The following CTSD variants were observed in gnomAD, a reference collection of about 807,000 sequenced individuals.
CTSD encodes ceroid-lipofuscinosis, neuronal 10.
CTSD carries 28 observed loss-of-function variants against 43.6 expected under a neutral mutation model. The observed-to-expected ratio is 0.64, with a 90% CI of 0.48 to 0.88. The LOEUF is 0.88. CTSD is among the 40% of genes least tolerant of loss of function. The probability of loss-of-function intolerance (pLI) is 0.00; values close to 1 mark genes in which losing one functional copy is unlikely to be tolerated. For missense variants in CTSD, 485 were observed against 555.2 expected (o/e 0.87, Z 1.27); for synonymous variants, 270 against 249.8 (o/e 1.08, Z -0.76).
intron 6 of CTSD, among the ~76,000 whole-genome samples, chr11:1,754,516 AGGGATGGAG>A (rs1383187581): frequency 0.01 from 335 of 32,626 alleles, 5 homozygotes; most frequent in Middle Eastern, 0.093. Context: ...GGAGGGATGG[AGGGATGGAG>A]GGGATGGAGG....
rs147741124 is a variant in CTSD, at chr11:1,760,887, C to A, written c.228+422G>T. On this transcript the variant is annotated intron_variant, in intron 2 of 8. Transcript: ENST00000236671. The stretch of plus-strand genomic sequence containing the variant: ...GCTCCACCTTGGATCCTGCTTCCCC[C>A]TGAAGGAGTAGTGGGCACAGGAGGG... 22 of 276,064 alleles carry A rather than the reference C, an allele frequency of 8.0e-5. 1 individual carries two copies. Among genetic ancestry groups the A allele is most frequent in the African/African-American group, 3.9e-4 (18 of 45,658 alleles). The allele number at this position is 276,064 out of a possible 1,614,324, so 17.1% of individuals were successfully genotyped here. A position where few individuals can be genotyped will look rare whatever the true frequency, so the allele number is the denominator to read the frequency against.
intron 2 of CTSD, chr11:1,760,245 G>C (rs1036574309): frequency 1.3e-5 from 2 of 152,900 alleles, no homozygotes; most frequent in African/African-American, 4.8e-5. Context: ...CAGGGCCTCA[G>C]TTTCCCCGTG....
Position 1,753,250 on chromosome 11 carries a change from G to C in CTSD, c.*253C>G, listed in dbSNP as rs56273622. 1.8e-6 allele frequency: 1 copy of C among 569,948 alleles called. No homozygotes were observed. The highest frequency in any genetic ancestry group is 1.9e-5 in the African/African-American group (1 of 53,410). 35.3% of individuals were successfully genotyped at this position (569,948 alleles called of 1,614,324 possible). ...GTGGGGTCTTCCAATGCACGAAACA[G>C]ATCTGTGCTCTGGATCAGCTCTACC... is the stretch of plus-strand genomic sequence containing the variant. On this transcript the variant is annotated 3_prime_UTR_variant, in exon 9 of 9. Coordinates refer to ENST00000236671, the MANE Select transcript of CTSD (RefSeq NM_001909.5).
Position 1,753,360 on chromosome 11 carries a change from G to T in CTSD, c.*143C>A. 4.2e-6 allele frequency: 4 copies of T among 945,286 alleles called. No individual in the cohort carries two copies. The highest frequency in any genetic ancestry group is 2.5e-5 in the East Asian group (1 of 40,680). The allele number at this position is 945,286 out of a possible 1,614,324, so 58.6% of individuals were successfully genotyped here. A position where few individuals can be genotyped will look rare whatever the true frequency, so the allele number is the denominator to read the frequency against. On this transcript the variant is annotated 3_prime_UTR_variant, in exon 9 of 9. Transcript: ENST00000236671. Reference sequence around the variant, plus strand: ...AAACCACAGAACAAAACAGCAAGTCGGGCTTGGGCCGCCGGCTTCCAGGGC... The same window carrying T: ...AAACCACAGAACAAAACAGCAAGTCTGGCTTGGGCCGCCGGCTTCCAGGGC...
chr11:1,759,428 G>GCGTT (rs1845847770), intron 3 of CTSD, 88 bp downstream of exon 3: 1 of 1,577,044 alleles, frequency 6.3e-7, no homozygotes, highest in African/African-American at 1.3e-5. Context: ...CAGGAGAATT[G>GCGTT]CGTTGCCCAA....
Position 1,763,717 on chromosome 11 carries a change from A to C in CTSD, c.68+75T>G, listed in dbSNP as rs1471143914. On this transcript the variant is annotated intron_variant, in intron 1 of 8. Transcript: ENST00000236671. ...CTCGTGGGGGCCACAGGGGAGCGCG[A>C]AAGTCACCACAGGCCCCGGGACCTC... 27 of 1,372,876 alleles carry C rather than the reference A, an allele frequency of 2.0e-5. 1 individual carries two copies. The Admixed American group carries it at 5.4e-4, about 27-fold the overall frequency. The allele number at this position is 1,372,876 out of a possible 1,614,324, so 85.0% of individuals were successfully genotyped here. A position where few individuals can be genotyped will look rare whatever the true frequency, so the allele number is the denominator to read the frequency against.
intron 2 of CTSD, 59 bp from the exon 3 acceptor site, chr11:1,759,698 C>T: frequency 5.8e-6 from 9 of 1,561,636 alleles, no homozygotes; most frequent in Non-Finnish European, 7.0e-6. Context: ...CCCACTGGGC[C>T]TCAGAAGGCC....
In CTSD at chr11:1,754,075, G is replaced by A. The variant is rs755183661; in HGVS notation, c.891C>T (p.Gly297=). 7 of 1,611,530 alleles carry A rather than the reference G, an allele frequency of 4.3e-6. No individual in the cohort carries two copies. Among genetic ancestry groups the A allele is most frequent in the Admixed American group, 1.7e-5 (1 of 59,952 alleles). The change falls in exon 7 of 9, where the codon GGC becomes GGT. Residue 297 remains glycine (G), a synonymous_variant. Coordinates refer to ENST00000236671, the MANE Select transcript of CTSD (RefSeq NM_001909.5). ...KEGCEAIVDT[G]TSLMVGPVDE... ...CCACCGGGCCCACCATGAGGGAAGT[G>A]CCTGTGTCCACAATGGCCTCACAGC...
At position 1,761,531 on chromosome 11, in the gene CTSD, T is replaced by C. The variant is rs72850961; in HGVS notation, c.69-63A>G. 0.083 allele frequency: 130,221 copies of C among 1,573,320 alleles called. 5,726 individuals carry two copies. Among genetic ancestry groups the C allele is most frequent in the Middle Eastern group, 0.14 (812 of 5,908 alleles). ...CCCGCCTGCCGGCCGACGCTGCCAA[T>C]GCTGCACATCCACCTGGAGGCCCCT... On this transcript the variant is annotated intron_variant, in intron 1 of 8. Coordinates refer to ENST00000236671, the MANE Select transcript of CTSD (RefSeq NM_001909.5).
At chr11:1,763,364 G>C (rs553550350) in intron 1 of CTSD, among the ~76,000 whole-genome samples, 319 of 152,350 alleles carry the variant, frequency 2.1e-3, no homozygotes, top group African/African-American at 7.4e-3. Flanking sequence ...AGGTGGTAAA[G>C]GGGTCCCTAA....
At chr11:1,756,143 T>C (rs1277581108) in intron 5 of CTSD, among the ~76,000 whole-genome samples, 1 of 149,976 alleles carries the variant, frequency 6.7e-6, no homozygotes, top group Admixed American at 6.6e-5. Context: ...ACTCATGCTG[T>C]GTGCCCCTCC....
chr11:1,754,123 G>A lies in CTSD; in HGVS notation c.843C>T (p.Ser281=), dbSNP rs776321697. The change falls in exon 7 of 9, where the codon AGC becomes AGT. Residue 281 remains serine, a synonymous_variant. Coordinates refer to ENST00000236671, the MANE Select transcript of CTSD (RefSeq NM_001909.5). ...AGCCCTCCTTGCACAGGGTCAGCCCGCTGGCCACCTCCACCCTGCGGGGAG... is the reference window on the plus strand; with the variant it reads ...AGCCCTCCTTGCACAGGGTCAGCCCACTGGCCACCTCCACCCTGCGGGGAG... ...QVHLDQVEVA[S]GLTLCKEGCE... is the part of the protein sequence containing the mutation. The A allele has an allele frequency of 8.7e-6, 14 of 1,609,468 alleles. No homozygotes were observed. The highest frequency in any genetic ancestry group is 1.1e-5 in the Non-Finnish European group (13 of 1,179,648).
chr11:1,754,360 A>AGGGATGGAGGGGATGGAGGGATGGAG (rs1565019176), intron 6 of CTSD: 3 of 435,276 alleles, frequency 6.9e-6, no homozygotes, highest in Admixed American at 7.3e-5. Context: ...AGGGGCATGG[A>AGGGATGGAGGGGATGGAGGGATGGAG]GGGATGGAGG....
intron 5 of CTSD, 113 bp from the exon 6 acceptor site, chr11:1,755,141 C>G: frequency 1.5e-6 from 2 of 1,313,996 alleles, no homozygotes; most frequent in Non-Finnish European, 2.2e-6. Flanking sequence ...GAAGGAGGGG[C>G]CTTTCTGAAA....
rs1478615059 is a variant in CTSD, at chr11:1,757,333, TAGA to T, written c.692_694del (p.Phe231del). 5 of 1,613,308 alleles carry T rather than the reference TAGA, an allele frequency of 3.1e-6. No homozygotes were observed. Among genetic ancestry groups the T allele is most frequent in the African/African-American group, 2.7e-5 (2 of 74,920 alleles). Reference sequence around the variant, plus strand: ...GAACCCACACGCCCACCTGCTCAGGTAGAAGGAGAAGATGTTCTGGTCCACCAG... The same window carrying T: ...GAACCCACACGCCCACCTGCTCAGGTAGGAGAAGATGTTCTGGTCCACCAG... On this transcript the variant is annotated inframe_deletion, in exon 5 of 9. Coordinates refer to ENST00000236671, the MANE Select transcript of CTSD (RefSeq NM_001909.5).
chr11:1,759,853 T>G (rs1002087215), intron 2 of CTSD, among the ~76,000 whole-genome samples: 1 of 152,238 alleles, frequency 6.6e-6, no homozygotes, highest in Middle Eastern at 3.2e-3. Context: ...CCACGGGTAC[T>G]TGGGGTCTCT....
rs1038800364 is a variant in CTSD, at chr11:1,753,008, C to T, written c.*495G>A. 3.8e-5 allele frequency: 9 copies of T among 239,744 alleles called. No homozygotes were observed. The highest frequency in any genetic ancestry group is 1.1e-4 in the East Asian group (1 of 8,956). 14.9% of individuals were successfully genotyped at this position (239,744 alleles called of 1,614,324 possible). A position where few individuals can be genotyped will look rare whatever the true frequency, so the allele number is the denominator to read the frequency against. On this transcript the variant is annotated 3_prime_UTR_variant, in exon 9 of 9. Transcript: ENST00000236671. ...AGGCCTCTAGCGGCCTCATCCTCAACGGGCCCGGGACACTGAACAGGTAGG... is the reference window on the plus strand; with the variant it reads ...AGGCCTCTAGCGGCCTCATCCTCAATGGGCCCGGGACACTGAACAGGTAGG...
chr11:1,761,536 C>T (rs1245385564), intron 1 of CTSD, 68 bp from the exon 2 acceptor site: 1 of 1,551,848 alleles, frequency 6.4e-7, no homozygotes, highest in Admixed American at 1.7e-5. Flanking sequence ...GCCAATGCTG[C>T]ACATCCACCT....
intron 5 of CTSD, among the ~76,000 whole-genome samples, chr11:1,755,966 C>T (rs1270866053): frequency 3.9e-5 from 6 of 152,130 alleles, no homozygotes; most frequent in African/African-American, 1.4e-4. Flanking sequence ...GGCTCCACTT[C>T]CTGCCCAAGC....
Sources: allele counts gnomAD v4.1 joint callset (sites outside exome capture counted in the v4.1 genomes callset), GRCh38; gene constraint gnomAD v4.1.1; transcripts MANE v1.5; gene names NCBI Gene and HGNC (gene_info 2026-07-23, HGNC 2026-07-21).